The following PAFAH1B1 variants were observed in gnomAD, a reference collection of about 807,000 sequenced individuals.
PAFAH1B1 encodes the protein platelet-activating factor acetylhydrolase IB subunit beta.
In PAFAH1B1, 2 loss-of-function variants were observed where a neutral mutation model predicts 57.5. The ratio of observed to expected loss-of-function variants is 0.03; its 90% CI spans 0.01 to 0.11. PAFAH1B1 has a LOEUF of 0.11. PAFAH1B1 is among the 10% of genes least tolerant of loss of function. The pLI, the probability that PAFAH1B1 is intolerant of heterozygous loss-of-function variation, is 1.00. For synonymous variants in PAFAH1B1, 152 were observed against 169.6 expected (o/e 0.90, Z 0.81); for missense variants, 257 against 512.0 (o/e 0.50, Z 4.81).
At position 2,669,064 on chromosome 17, in the gene PAFAH1B1, T is replaced by A. The variant is rs192492134; in HGVS notation, c.400-1099T>A. On this transcript the variant is annotated intron_variant, in intron 5 of 10. Coordinates refer to ENST00000397195, the MANE Select transcript of PAFAH1B1 (RefSeq NM_000430.4). ...TAAGATTTTGATAAAGTAGTCATTC[T>A]CATTACATATGATACAGTCTTACGG... Among the ~76,000 whole-genome samples, 3 of 152,300 alleles carry A rather than the reference T, an allele frequency of 2.0e-5. No homozygotes were observed. The East Asian group carries it at 5.8e-4, about 29-fold the overall frequency.
intron 2 of PAFAH1B1, among the ~76,000 whole-genome samples, chr17:2,643,480 C>T (rs1004043724): frequency 1.2e-4 from 18 of 151,730 alleles, no homozygotes; most frequent in Non-Finnish European, 1.9e-4. Context: ...CCCAGGCTGC[C>T]TCTGGGCTCA....
chr17:2,657,359 C>G (rs2068950367), intron 2 of PAFAH1B1, among the ~76,000 whole-genome samples: 2 of 152,160 alleles, frequency 1.3e-5, no homozygotes, highest in South Asian at 2.1e-4. Context: ...ATTCTCCTGC[C>G]TCAGCCTCCC....
chr17:2,595,767 A>G lies in PAFAH1B1; in HGVS notation c.-191+1761A>G, dbSNP rs897190370. The stretch of plus-strand genomic sequence containing the variant: ...CCTAAAAGAAATTGAAGGCTGGTAT[A>G]TATTTTAAAATCAGAAAGGAATCCA... On this transcript the variant is annotated intron_variant, in intron 1 of 10. Transcript: ENST00000397195. Among the ~76,000 whole-genome samples the G allele has an allele frequency of 5.9e-5, 9 of 152,312 alleles. No homozygotes were observed. In the East Asian group the frequency reaches 7.7e-4, roughly 13 times the overall value.
chr17:2,593,776 C>A lies in PAFAH1B1; in HGVS notation c.-421C>A, dbSNP rs1458380496. On this transcript the variant is annotated 5_prime_UTR_variant, in exon 1 of 11. Transcript: ENST00000397195. Reference sequence around the variant, plus strand: ...AAGGAGAAGGAGGGGAGCGCTCGGGCGCGAGCGAGAGAAACCGCGAGCGCC... The same window carrying A: ...AAGGAGAAGGAGGGGAGCGCTCGGGAGCGAGCGAGAGAAACCGCGAGCGCC... The A allele has an allele frequency of 2.6e-6, 1 of 388,542 alleles. No individual in the cohort carries two copies. The highest frequency in any genetic ancestry group is 4.5e-6 in the Non-Finnish European group (1 of 219,844). 24.1% of individuals were successfully genotyped at this position (388,542 alleles called of 1,614,324 possible). A position where few individuals can be genotyped will look rare whatever the true frequency, so the allele number is the denominator to read the frequency against.
At chr17:2,621,868 G>C (rs1040216180) in intron 1 of PAFAH1B1, among the ~76,000 whole-genome samples, 1 of 152,082 alleles carries the variant, frequency 6.6e-6, no homozygotes, top group Non-Finnish European at 1.5e-5. Flanking sequence ...CCGAAACTGG[G>C]AACAAAAAGA....
intron 1 of PAFAH1B1, among the ~76,000 whole-genome samples, chr17:2,607,258 C>T (rs1597512034): frequency 2.0e-5 from 3 of 152,116 alleles, no homozygotes; most frequent in Admixed American, 2.0e-4. Context: ...ACTGCAACCT[C>T]GGCCTCCAGG....
chr17:2,661,138 A>G (rs1490043071), intron 2 of PAFAH1B1, among the ~76,000 whole-genome samples: 1 of 151,730 alleles, frequency 6.6e-6, no homozygotes, highest in Non-Finnish European at 1.5e-5. Context: ...CTCTGATGAT[A>G]GTTTATTTTG....
intron 1 of PAFAH1B1, among the ~76,000 whole-genome samples, chr17:2,614,501 G>GA (rs1313811636): frequency 6.6e-6 from 1 of 152,190 alleles, no homozygotes; most frequent in African/African-American, 2.4e-5. Context: ...TAGATGCAAA[G>GA]AATGTGTCTG....
chr17:2,640,918 A>G (rs1049046171), intron 2 of PAFAH1B1: 5 of 152,130 alleles, frequency 3.3e-5, no homozygotes, highest in African/African-American at 1.2e-4. Context: ...TCTTTACCAC[A>G]AATAAGTGGG....
At chr17:2,647,222 C>T (rs1446531591) in intron 2 of PAFAH1B1, among the ~76,000 whole-genome samples, 1 of 152,142 alleles carries the variant, frequency 6.6e-6, no homozygotes, top group African/African-American at 2.4e-5. Context: ...TCGTGGTGCA[C>T]ACCTGTAGTC....
intron 2 of PAFAH1B1, among the ~76,000 whole-genome samples, chr17:2,655,199 G>GTGTGTA (rs1273968770): frequency 2.7e-4 from 41 of 151,686 alleles, no homozygotes; most frequent in African/African-American, 9.9e-4. Flanking sequence ...GTGTGTGTGT[G>GTGTGTA]TGTGTGTGTG....
chr17:2,679,453 G>A (rs116035303), intron 9 of PAFAH1B1, among the ~76,000 whole-genome samples: 315 of 150,256 alleles, frequency 2.1e-3, no homozygotes, highest in African/African-American at 7.6e-3. Flanking sequence ...TGGATAGATG[G>A]ATGATTGGAT....
intron 1 of PAFAH1B1, among the ~76,000 whole-genome samples, chr17:2,604,589 T>C (rs180680389): frequency 9.8e-4 from 149 of 152,214 alleles, no homozygotes; most frequent in African/African-American, 3.2e-3. Context: ...GGTGGGTGGA[T>C]CACTTGACGT....
chr17:2,660,856 A>G (rs1262341054), intron 2 of PAFAH1B1, among the ~76,000 whole-genome samples: 1 of 152,162 alleles, frequency 6.6e-6, no homozygotes, highest in East Asian at 1.9e-4. Flanking sequence ...GAACTAATTT[A>G]TATTCCCACC....
Position 2,672,747 on chromosome 17 carries a change from G to C in PAFAH1B1, c.661G>C (p.Val221Leu). Reference sequence around the variant, plus strand: ...GGATAAAACTATAAAAATGTGGGAAGTGCAAACTGGGTAAGTAAGTTTAGT... The same window carrying C: ...GGATAAAACTATAAAAATGTGGGAACTGCAAACTGGGTAAGTAAGTTTAGT... ...SRDKTIKMWEVQTGYCVKTFT... is the reference protein window; with the variant it reads ...SRDKTIKMWELQTGYCVKTFT... Residue 221 changes from valine (V) to leucine (L), a missense_variant, in exon 7 of 11, where the codon GTG becomes CTG. Coordinates refer to ENST00000397195, the MANE Select transcript of PAFAH1B1 (RefSeq NM_000430.4). 6.2e-7 allele frequency: 1 copy of C among 1,603,500 alleles called. No homozygotes were observed. The highest frequency in any genetic ancestry group is 8.5e-7 in the Non-Finnish European group (1 of 1,171,108).
At chr17:2,634,735 AT>A (rs1431026587) in intron 1 of PAFAH1B1, among the ~76,000 whole-genome samples, 2 of 151,700 alleles carry the variant, frequency 1.3e-5, no homozygotes, top group Non-Finnish European at 2.9e-5. Context: ...ACCTGAGTTT[AT>A]TTTGTGGCCT....
chr17:2,642,408 G>A (rs1037984811), intron 2 of PAFAH1B1: 1 of 152,096 alleles, frequency 6.6e-6, no homozygotes, highest in African/African-American at 2.4e-5. Context: ...AGAACTTGGG[G>A]ATAAGTGTTC....
chr17:2,647,998 T>C (rs576553916), intron 2 of PAFAH1B1, among the ~76,000 whole-genome samples: 1 of 151,922 alleles, frequency 6.6e-6, no homozygotes, highest in Admixed American at 6.6e-5. Flanking sequence ...AGTGAGACTC[T>C]CTCAAAATAA....
chr17:2,646,782 C>T (rs1418978158), intron 2 of PAFAH1B1, among the ~76,000 whole-genome samples: 1 of 152,168 alleles, frequency 6.6e-6, no homozygotes, highest in African/African-American at 2.4e-5. Flanking sequence ...AACATTGTAA[C>T]ATTAAAGATT....
Sources: allele counts gnomAD v4.1 joint callset (sites outside exome capture counted in the v4.1 genomes callset), GRCh38; gene constraint gnomAD v4.1.1; transcripts MANE v1.5; gene names NCBI Gene and HGNC (gene_info 2026-07-23, HGNC 2026-07-21).